ZNF804A: variants seen among roughly 807,000 people sequenced by gnomAD.
ZNF804A encodes zinc finger protein 804A.
Under a neutral mutation model 16.5 loss-of-function variants are expected in ZNF804A, and 2 were observed. The observed-to-expected ratio is 0.12, with a 90% CI of 0.05 to 0.38. The LOEUF (loss-of-function observed/expected upper bound fraction) is 0.38, where lower values mean the gene tolerates loss of function less well. Among genes scored for constraint, ZNF804A ranks in the 10% least tolerant of loss-of-function variants. The probability of loss-of-function intolerance (pLI) is 0.99; values close to 1 mark genes in which losing one functional copy is unlikely to be tolerated. For synonymous variants in ZNF804A, 534 were observed against 489.6 expected (o/e 1.09, Z -1.20); for missense variants, 1,473 against 1,390.7 (o/e 1.06, Z -0.94).
chr2:184,866,756 CT>C (rs1407112180), intron 2 of ZNF804A, among the ~76,000 whole-genome samples: 1 of 150,202 alleles, frequency 6.7e-6, no homozygotes, highest in Non-Finnish European at 1.5e-5. Flanking sequence ...ATTCAATTGC[CT>C]TTTAATGAGT....
rs1428633001 is a variant in ZNF804A at position 184,681,459 on chromosome 2, G to A, written c.111+82389G>A. On this transcript the variant is annotated intron_variant, in intron 1 of 3. Transcript: ENST00000302277. ...TCTTGTGCAAAAGTAGCATACTGTC[G>A]GTGGATCTATGGGGAGTGCATGGTC... 7.9e-5 allele frequency among the ~76,000 whole-genome samples: 12 copies of A among 152,188 alleles called. No individual in the cohort carries two copies. The South Asian group carries it at 1.7e-3, about 21-fold the overall frequency.
At chr2:184,762,156 A>T (rs1574199951) in intron 1 of ZNF804A, among the ~76,000 whole-genome samples, 1 of 137,924 alleles carries the variant, frequency 7.3e-6, no homozygotes, top group South Asian at 2.3e-4. Context: ...TTAAATTCTG[A>T]TTTCTCTGTT....
At position 184,802,099 on chromosome 2, in the gene ZNF804A, T is replaced by C. The variant is rs551538027; in HGVS notation, c.112-64270T>C. 2.0e-5 allele frequency among the ~76,000 whole-genome samples: 3 copies of C among 152,324 alleles called. No homozygotes were observed. The South Asian group carries it at 6.2e-4, about 32-fold the overall frequency. Reference sequence around the variant, plus strand: ...ATCCACTTTTATTATTCAAGAGACCTGTTCATGGTAGTAAGGTGCCGAAGA... The same window carrying C: ...ATCCACTTTTATTATTCAAGAGACCCGTTCATGGTAGTAAGGTGCCGAAGA... On this transcript the variant is annotated intron_variant, in intron 1 of 3. Transcript: ENST00000302277.
chr2:184,866,640 C>A, intron 2 of ZNF804A, 128 bp downstream of exon 2: 8 of 733,210 alleles, frequency 1.1e-5, no homozygotes, highest in Non-Finnish European at 1.5e-5. Context: ...TGAAATATAT[C>A]ATTCTGGGAT....
intron 2 of ZNF804A, among the ~76,000 whole-genome samples, chr2:184,916,246 A>G (rs1282170519): frequency 6.6e-6 from 1 of 152,148 alleles, no homozygotes; most frequent in East Asian, 1.9e-4. Flanking sequence ...ACTAAGAAGA[A>G]TGAAATTATA....
chr2:184,689,394 T>C (rs114328105), intron 1 of ZNF804A, among the ~76,000 whole-genome samples: 454 of 152,246 alleles, frequency 3.0e-3, no homozygotes, highest in African/African-American at 0.011. Flanking sequence ...TATCCTTTAA[T>C]GGTTATGTAA....
intron 1 of ZNF804A, among the ~76,000 whole-genome samples, chr2:184,840,894 C>A (rs1695426598): frequency 1.3e-5 from 2 of 152,106 alleles, no homozygotes; most frequent in Admixed American, 1.3e-4. Context: ...TGCTTTACCC[C>A]TGAAACACCA....
At chr2:184,822,821 C>A (rs538580431) in intron 1 of ZNF804A, among the ~76,000 whole-genome samples, 64 of 152,038 alleles carry the variant, frequency 4.2e-4, no homozygotes, top group African/African-American at 1.5e-3. Flanking sequence ...TCAAATTAAC[C>A]ATTTTATTTC....
At chr2:184,767,090 A>C (rs1167693419) in intron 1 of ZNF804A, among the ~76,000 whole-genome samples, 7 of 152,102 alleles carry the variant, frequency 4.6e-5, no homozygotes, top group African/African-American at 1.4e-4. Context: ...CCTTAACAGC[A>C]CCTTGATCTT....
At chr2:184,772,060 T>C (rs370374153) in intron 1 of ZNF804A, among the ~76,000 whole-genome samples, 3 of 152,018 alleles carry the variant, frequency 2.0e-5, no homozygotes, top group South Asian at 2.1e-4. Context: ...AATCTGTCCA[T>C]TATAATGTTA....
intron 1 of ZNF804A, among the ~76,000 whole-genome samples, chr2:184,737,897 G>A (rs570480221): frequency 6.6e-6 from 1 of 152,258 alleles, no homozygotes; most frequent in South Asian, 2.1e-4. Flanking sequence ...GCCGAGGCAG[G>A]CTGATCACCT....
At chr2:184,869,718 C>T (rs934004528) in intron 2 of ZNF804A, among the ~76,000 whole-genome samples, 11 of 152,010 alleles carry the variant, frequency 7.2e-5, no homozygotes, top group Non-Finnish European at 1.0e-4. Flanking sequence ...GTTTTCACTT[C>T]ATGTAGGCTA....
chr2:184,703,699 A>AG (rs1692967815), intron 1 of ZNF804A, among the ~76,000 whole-genome samples: 2 of 149,674 alleles, frequency 1.3e-5, no homozygotes. Context: ...CAAAAAAAAA[A>AG]AAAAAAAAAA....
chr2:184,650,255 G>A (rs577484629), intron 1 of ZNF804A, among the ~76,000 whole-genome samples: 1 of 151,936 alleles, frequency 6.6e-6, no homozygotes, highest in Non-Finnish European at 1.5e-5. Context: ...GACAAAATCC[G>A]AAATCCCTTC....
chr2:184,814,658 C>A (rs1322091524), intron 1 of ZNF804A, among the ~76,000 whole-genome samples: 1 of 152,020 alleles, frequency 6.6e-6, no homozygotes, highest in East Asian at 1.9e-4. Flanking sequence ...GGGATATAAT[C>A]ACTTGTCTGG....
intron 1 of ZNF804A, among the ~76,000 whole-genome samples, chr2:184,620,425 T>C (rs1691399253): frequency 6.6e-6 from 1 of 151,850 alleles, no homozygotes; most frequent in East Asian, 1.9e-4. Context: ...GAAAATAAAG[T>C]TGTGTTTTTG....
chr2:184,727,514 A>G (rs1055707004), intron 1 of ZNF804A, among the ~76,000 whole-genome samples: 6 of 151,622 alleles, frequency 4.0e-5, no homozygotes, highest in African/African-American at 1.4e-4. Flanking sequence ...AATTTAGTCC[A>G]AGTACTATGT....
chr2:184,714,455 T>C lies in ZNF804A; in HGVS notation c.111+115385T>C, dbSNP rs370871855. Among the ~76,000 whole-genome samples the C allele has an allele frequency of 3.9e-5, 6 of 152,258 alleles. No individual in the cohort carries two copies. The East Asian group carries it at 9.6e-4, about 24-fold the overall frequency. ...TCTGTTTCATTTTTATGTTAAAATA[T>C]ATTTACATTTGTTCAGTAAAAAGCT... On this transcript the variant is annotated intron_variant, in intron 1 of 3. Transcript: ENST00000302277.
intron 1 of ZNF804A, among the ~76,000 whole-genome samples, chr2:184,782,768 T>C (rs1694391509): frequency 9.3e-6 from 1 of 107,934 alleles, no homozygotes. Context: ...CCAGTAAGGA[T>C]TTTTTTTTTT....
Sources: gnomAD v4.1 joint callset for allele counts (sites outside exome capture counted in the v4.1 genomes callset) on GRCh38, gnomAD v4.1.1 for gene constraint, MANE v1.5 for transcripts, NCBI Gene and HGNC (gene_info 2026-07-23, HGNC 2026-07-21) for gene names.